ENTREP2: variants seen among roughly 807,000 people sequenced by gnomAD.
ENTREP2 encodes endosomal transmembrane epsin interactor 2, also known as protein ENTREP2.
chr15:29,493,376 G>A, the ENTREP2 span, among the ~76,000 whole-genome samples: 7 of 151,140 alleles, frequency 4.6e-5, no homozygotes, highest in South Asian at 2.1e-4. Context: ...CTCGTGATCC[G>A]CCCGCCTCGG....
the ENTREP2 span, among the ~76,000 whole-genome samples, chr15:29,118,636 G>A: frequency 6.6e-6 from 1 of 152,236 alleles, no homozygotes; most frequent in East Asian, 1.9e-4. Flanking sequence ...TGGAATGAGG[G>A]AGCCAGGGAG....
the ENTREP2 span, among the ~76,000 whole-genome samples, chr15:29,328,379 T>C: frequency 1.4e-4 from 21 of 152,322 alleles, no homozygotes; most frequent in South Asian, 3.3e-3. Flanking sequence ...TCAAAACCCA[T>C]TGAACTGTAC....
the ENTREP2 span, among the ~76,000 whole-genome samples, chr15:29,524,905 C>CT: frequency 5.3e-5 from 8 of 152,250 alleles, no homozygotes; most frequent in Admixed American, 6.5e-5. Context: ...CCACTCCCGG[C>CT]TCGAATGCCT....
At chr15:29,363,978 G>T in the ENTREP2 span, among the ~76,000 whole-genome samples, 3 of 152,126 alleles carry the variant, frequency 2.0e-5, no homozygotes, top group African/African-American at 7.2e-5. Flanking sequence ...GTTTATTAGG[G>T]CCAGAATTGC....
the ENTREP2 span, chr15:29,269,378 C>G: frequency 6.2e-7 from 1 of 1,614,192 alleles, no homozygotes; most frequent in Non-Finnish European, 8.5e-7. Flanking sequence ...TTCAGTATGT[C>G]GGCCCGCTTG....
chr15:29,635,779 A>G, the ENTREP2 span, among the ~76,000 whole-genome samples: 1 of 152,162 alleles, frequency 6.6e-6, no homozygotes, highest in African/African-American at 2.4e-5. Context: ...CCTGTGATTT[A>G]TGGGCTTTAA....
At chr15:29,565,738 C>T in the ENTREP2 span, among the ~76,000 whole-genome samples, 4 of 151,972 alleles carry the variant, frequency 2.6e-5, no homozygotes, top group East Asian at 3.9e-4. Context: ...CTGAGGCAGG[C>T]GGATCACGAG....
chr15:29,464,452 C>T, the ENTREP2 span, among the ~76,000 whole-genome samples: 4 of 151,948 alleles, frequency 2.6e-5, no homozygotes, highest in Admixed American at 6.6e-5. Flanking sequence ...TGGAGAGTGG[C>T]GGAGATGAAG....
chr15:29,513,489 T>C, the ENTREP2 span, among the ~76,000 whole-genome samples: 1 of 152,190 alleles, frequency 6.6e-6, no homozygotes, highest in African/African-American at 2.4e-5. Flanking sequence ...CAAAACCATG[T>C]CCCCTCCACC....
the ENTREP2 span, among the ~76,000 whole-genome samples, chr15:29,220,308 C>T: frequency 1.3e-4 from 20 of 152,178 alleles, no homozygotes; most frequent in African/African-American, 4.6e-4. Flanking sequence ...AGAAAGGTTC[C>T]TATTAGGTCT....
chr15:29,478,968 G>A, the ENTREP2 span, among the ~76,000 whole-genome samples: 15 of 150,142 alleles, frequency 1.0e-4, no homozygotes, highest in East Asian at 2.9e-3. Flanking sequence ...GCCGAGGCAG[G>A]TGGATCACGA....
chr15:29,495,751 C>A, the ENTREP2 span, among the ~76,000 whole-genome samples: 1 of 152,092 alleles, frequency 6.6e-6, no homozygotes, highest in Admixed American at 6.6e-5. Context: ...GCTTTCTATT[C>A]TGTTCCATTG....
the ENTREP2 span, chr15:29,374,804 A>T: frequency 2.0e-5 from 3 of 152,102 alleles, no homozygotes; most frequent in Admixed American, 2.0e-4. Flanking sequence ...TGGAGAATGT[A>T]TATTGCATTG....
At chr15:29,512,819 T>G in the ENTREP2 span, among the ~76,000 whole-genome samples, 1 of 152,132 alleles carries the variant, frequency 6.6e-6, no homozygotes, top group Non-Finnish European at 1.5e-5. Context: ...CTAAAACACC[T>G]CCATACTCCA....
At chr15:29,444,904 A>C in the ENTREP2 span, among the ~76,000 whole-genome samples, 1 of 152,200 alleles carries the variant, frequency 6.6e-6, no homozygotes, top group Non-Finnish European at 1.5e-5. Flanking sequence ...CCCTGGCTCT[A>C]GAAAAGGGAG....
At chr15:29,645,883 A>C in the ENTREP2 span, among the ~76,000 whole-genome samples, 22 of 152,116 alleles carry the variant, frequency 1.4e-4, no homozygotes, top group Non-Finnish European at 2.2e-4. Flanking sequence ...TCTGAAAGAC[A>C]TAATACTTTT....
chr15:29,375,814 G>C, the ENTREP2 span: 8 of 152,104 alleles, frequency 5.3e-5, no homozygotes, highest in African/African-American at 1.9e-4. Flanking sequence ...GAAGCACAGA[G>C]AGCCAAAGCA....
chr15:29,342,184 A>T, the ENTREP2 span, among the ~76,000 whole-genome samples: 1 of 152,174 alleles, frequency 6.6e-6, no homozygotes, highest in Non-Finnish European at 1.5e-5. Flanking sequence ...GGCCATACAG[A>T]TGGCGATGAG....
At chr15:29,395,534 C>CT in the ENTREP2 span, among the ~76,000 whole-genome samples, 48 of 141,046 alleles carry the variant, frequency 3.4e-4, 2 homozygotes, top group East Asian at 2.7e-3. Flanking sequence ...TTTTTTCTTT[C>CT]TTTTTTTTTT....
Sources: gnomAD v4.1 joint callset for allele counts (sites outside exome capture counted in the v4.1 genomes callset) on GRCh38, gnomAD v4.1.1 for gene constraint, MANE v1.5 for transcripts, NCBI Gene and HGNC (gene_info 2026-07-23, HGNC 2026-07-21) for gene names.